Variants in UBAP2 observed in about 807,000 individuals in gnomAD.
UBAP2 encodes ubiquitin associated protein 2, also known as ubiquitin-associated protein 2.
UBAP2 carries 75 observed loss-of-function variants against 139.6 expected under a neutral mutation model. The ratio of observed to expected loss-of-function variants is 0.54; its 90% confidence interval spans 0.45 to 0.65. The LOEUF is 0.65. Among genes scored for constraint, UBAP2 ranks in the 30% least tolerant of loss-of-function variants. The pLI, the probability that UBAP2 is intolerant of heterozygous loss-of-function variation, is 0.00. For synonymous variants in UBAP2, 526 were observed against 526.2 expected (o/e 1.00, Z 0.01); for missense variants, 1,368 against 1,369.6 (o/e 1.00, Z 0.02).
At chr9:33,993,224 A>C (rs1265717866) in intron 4 of UBAP2, among the ~76,000 whole-genome samples, 1 of 152,220 alleles carries the variant, frequency 6.6e-6, no homozygotes, top group Non-Finnish European at 1.5e-5. Context: ...GTTTCAGCAC[A>C]GAGGAAGGTT....
chr9:33,969,206 T>A (rs1827704646), intron 8 of UBAP2, among the ~76,000 whole-genome samples: 1 of 152,206 alleles, frequency 6.6e-6, no homozygotes. Flanking sequence ...TGAACCTATA[T>A]TTTCCTTTCT....
chr9:34,037,070 C>A (rs1390710732), intron 1 of UBAP2, among the ~76,000 whole-genome samples: 1 of 148,770 alleles, frequency 6.7e-6, no homozygotes, highest in Admixed American at 6.8e-5. Context: ...CTCGCTGCAA[C>A]CTCCGACTTC....
chr9:34,015,032 C>T (rs1462668606), intron 2 of UBAP2, among the ~76,000 whole-genome samples: 3 of 152,162 alleles, frequency 2.0e-5, no homozygotes, highest in African/African-American at 7.2e-5. Context: ...CTCACTATGT[C>T]CCCTAACATC....
At position 33,933,623 on chromosome 9, in the gene UBAP2, T is replaced by C. The variant is rs565631739; in HGVS notation, c.1975A>G (p.Lys659Glu). The C allele has an allele frequency of 8.6e-5, 139 of 1,613,684 alleles. 1 individual carries two copies. The South Asian group carries it at 1.2e-3, about 13-fold the overall frequency. ...GRSQQTLDTP[K>E]TTGPPSALPS... ...AGGGCAGAGGGAGGGCCTGTTGTCT[T>C]TGGAGCTGGAACAGATGAAGTAGCT... The change falls in exon 18 of 29, where the codon AAG becomes GAG. Residue 659 changes from lysine (K) to glutamate (E), a missense_variant. Lys to Glu is a moderately conservative substitution (Grantham distance 56). Coordinates refer to ENST00000379238, the MANE Select transcript of UBAP2 (RefSeq NM_001370062.2).
At chr9:34,045,761 T>G (rs1827525519) in intron 1 of UBAP2, among the ~76,000 whole-genome samples, 1 of 152,164 alleles carries the variant, frequency 6.6e-6, no homozygotes, top group South Asian at 2.1e-4. Flanking sequence ...TGGTTTACAT[T>G]AAAATTGTAA....
chr9:33,926,705 C>G (rs1823462283), intron 21 of UBAP2, 41 bp from the exon 22 acceptor site: 6 of 1,611,414 alleles, frequency 3.7e-6, no homozygotes, highest in Non-Finnish European at 5.1e-6. Context: ...AACCACATAC[C>G]ACACCCTGGG....
At chr9:34,011,238 A>G (rs908866846) in intron 2 of UBAP2, among the ~76,000 whole-genome samples, 17 of 152,178 alleles carry the variant, frequency 1.1e-4, no homozygotes, top group African/African-American at 3.9e-4. Flanking sequence ...TGTTTCACCC[A>G]TACATTTCTA....
At chr9:33,978,375 T>TA (rs879888496) in intron 6 of UBAP2, among the ~76,000 whole-genome samples, 295 of 150,558 alleles carry the variant, frequency 2.0e-3, no homozygotes, top group Middle Eastern at 3.4e-3. Context: ...TTCTCTACCT[T>TA]AAAAAAAAAA....
At chr9:33,981,226 G>GATATAT (rs1217356369) in intron 6 of UBAP2, among the ~76,000 whole-genome samples, 16 of 21,792 alleles carry the variant, frequency 7.3e-4, no homozygotes, top group South Asian at 6.7e-3. Context: ...ATATATTCTG[G>GATATAT]ATATATATAT....
chr9:33,966,478 AG>A (rs1827468320), intron 8 of UBAP2, among the ~76,000 whole-genome samples: 1 of 152,134 alleles, frequency 6.6e-6, no homozygotes, highest in Non-Finnish European at 1.5e-5. Context: ...AATAAAAAAA[AG>A]AATCAAGTTG....
chr9:33,965,029 T>C (rs1200789614), intron 8 of UBAP2, among the ~76,000 whole-genome samples: 1 of 152,216 alleles, frequency 6.6e-6, no homozygotes, highest in Non-Finnish European at 1.5e-5. Context: ...ACTCACGGAT[T>C]TGTTTGCTAT....
At chr9:34,014,414 G>A (rs747756271) in intron 2 of UBAP2, among the ~76,000 whole-genome samples, 1 of 150,600 alleles carries the variant, frequency 6.6e-6, no homozygotes, top group East Asian at 2.0e-4. Flanking sequence ...CAGTCACTTG[G>A]GCTCAGGTGT....
At chr9:34,023,599 C>A (rs529268054) in intron 1 of UBAP2, among the ~76,000 whole-genome samples, 1 of 152,126 alleles carries the variant, frequency 6.6e-6, no homozygotes, top group African/African-American at 2.4e-5. Context: ...AATAATGACC[C>A]GGTTGCATGG....
intron 6 of UBAP2, among the ~76,000 whole-genome samples, chr9:33,975,698 C>T (rs900968467): frequency 6.7e-6 from 1 of 148,668 alleles, no homozygotes; most frequent in East Asian, 2.0e-4. Flanking sequence ...CCCAGCTACT[C>T]GGGAGGCTGA....
intron 9 of UBAP2, among the ~76,000 whole-genome samples, chr9:33,962,645 A>AAAATAAATAAATAAATAAAT (rs57313855): frequency 5.7e-5 from 8 of 139,216 alleles, no homozygotes; most frequent in African/African-American, 2.2e-4. Flanking sequence ...CTCTATCTCA[A>AAAATAAATAAATAAATAAAT]AAATAAATAA....
At chr9:33,968,588 C>A (rs540167513) in intron 8 of UBAP2, 44 of 323,248 alleles carry the variant, frequency 1.4e-4, no homozygotes, top group African/African-American at 9.2e-4. Context: ...TTGTTTTAAT[C>A]ATGAACGAAT....
intron 1 of UBAP2, among the ~76,000 whole-genome samples, chr9:34,020,567 C>T (rs1256899570): frequency 6.6e-6 from 1 of 151,892 alleles, no homozygotes; most frequent in East Asian, 1.9e-4. Context: ...CTCAGGTGAT[C>T]CACCAGCCTT....
chr9:33,949,761 G>T (rs1233206022), intron 12 of UBAP2, among the ~76,000 whole-genome samples: 1 of 152,196 alleles, frequency 6.6e-6, no homozygotes, highest in Admixed American at 6.5e-5. Flanking sequence ...ACAGGTCAAA[G>T]AACTGAACTT....
At position 33,954,265 on chromosome 9, in the gene UBAP2, T is replaced by TACACAC. The variant is rs1491115319; in HGVS notation, c.867-792_867-791insGTGTGT. ...ATCCCATAATACATTTAAGTGTGTG[T>TACACAC]ATATACACACACACACACACACACA... On this transcript the variant is annotated intron_variant, in intron 11 of 28. Coordinates refer to ENST00000379238, the MANE Select transcript of UBAP2 (RefSeq NM_001370062.2). 8.3e-5 allele frequency among the ~76,000 whole-genome samples: 10 copies of TACACAC among 121,210 alleles called. No individual in the cohort carries two copies. In the East Asian group the frequency reaches 1.6e-3, roughly 19 times the overall value. 79.5% of individuals were successfully genotyped at this position (121,210 alleles called of 152,430 possible). A position where few individuals can be genotyped will look rare whatever the true frequency, so the allele number is the denominator to read the frequency against.
Sources: allele counts gnomAD v4.1 joint callset (sites outside exome capture counted in the v4.1 genomes callset), GRCh38; gene constraint gnomAD v4.1.1; transcripts MANE v1.5; gene names NCBI Gene and HGNC (gene_info 2026-07-23, HGNC 2026-07-21).